The following CNTN5 variants were observed in gnomAD, a reference collection of about 807,000 sequenced individuals.
CNTN5 encodes the protein contactin 5.
In CNTN5, 77 loss-of-function variants were observed where a neutral mutation model predicts 129.1. The observed-to-expected ratio is 0.60, with a 90% CI of 0.50 to 0.72. The LOEUF (loss-of-function observed/expected upper bound fraction) is 0.72. Among genes scored for constraint, CNTN5 ranks in the 30% least tolerant of loss-of-function variants. CNTN5 has a pLI of 0.00. For synonymous variants in CNTN5, 509 were observed against 465.6 expected, an observed-to-expected ratio of 1.09 and a Z score of -1.20; for missense variants, 1,478 against 1,328.8, an observed-to-expected ratio of 1.11 and a Z score of -1.75.
intron 1 of CNTN5, among the ~76,000 whole-genome samples, chr11:99,066,402 C>A (rs1462493153): frequency 6.6e-6 from 1 of 152,114 alleles, no homozygotes; most frequent in Non-Finnish European, 1.5e-5. Context: ...CCACGCCCAG[C>A]AAGCTAATAT....
chr11:99,908,513 T>G (rs1027526298), intron 6 of CNTN5, among the ~76,000 whole-genome samples: 11 of 152,030 alleles, frequency 7.2e-5, no homozygotes, highest in Admixed American at 1.3e-4. Flanking sequence ...GATCTGAATT[T>G]GGAAAAAAAT....
chr11:99,963,682 C>A (rs1951014062), intron 8 of CNTN5, among the ~76,000 whole-genome samples: 2 of 152,048 alleles, frequency 1.3e-5, no homozygotes, highest in Non-Finnish European at 2.9e-5. Flanking sequence ...TAGTTTTTTC[C>A]AATTCTGTGA....
At position 99,710,667 on chromosome 11, in the gene CNTN5, C is replaced by G. The variant is rs561830656; in HGVS notation, c.56-108877C>G. The stretch of plus-strand genomic sequence containing the variant: ...CAAATCTGACATTTTTTTTTAGATA[C>G]GCAATCTCACATGTTGGGGAGTAAA... On this transcript the variant is annotated intron_variant, in intron 3 of 24. Transcript: ENST00000524871. Among the ~76,000 whole-genome samples the G allele has an allele frequency of 3.3e-5, 5 of 150,918 alleles. No individual in the cohort carries two copies. In the South Asian group the frequency reaches 8.3e-4, roughly 25 times the overall value.
chr11:99,371,276 A>G (rs1939805126), intron 2 of CNTN5, among the ~76,000 whole-genome samples: 1 of 152,072 alleles, frequency 6.6e-6, no homozygotes, highest in Non-Finnish European at 1.5e-5. Context: ...TTTAAAGATT[A>G]TAGCATAATT....
At chr11:99,221,135 T>A (rs1328921057) in intron 1 of CNTN5, among the ~76,000 whole-genome samples, 2 of 151,934 alleles carry the variant, frequency 1.3e-5, no homozygotes, top group African/African-American at 4.8e-5. Context: ...AGATTTTCAT[T>A]ATTAAACTCC....
chr11:99,282,355 T>C (rs1228461344), intron 1 of CNTN5, among the ~76,000 whole-genome samples: 1 of 151,856 alleles, frequency 6.6e-6, no homozygotes, highest in Non-Finnish European at 1.5e-5. Context: ...GAAGACAAGA[T>C]GATATCTGAG....
chr11:100,062,079 C>G (rs1207764730), intron 10 of CNTN5, among the ~76,000 whole-genome samples: 1 of 152,120 alleles, frequency 6.6e-6, no homozygotes, highest in Admixed American at 6.6e-5. Flanking sequence ...ATCTTTACTT[C>G]TAAAGTTCAA....
intron 3 of CNTN5, among the ~76,000 whole-genome samples, chr11:99,747,556 C>T (rs2135196465): frequency 6.7e-6 from 1 of 150,338 alleles, no homozygotes; most frequent in Middle Eastern, 3.5e-3. Context: ...AGCTCTGCCT[C>T]CCGGGTTTAC....
At chr11:99,238,653 T>A (rs1197810025) in intron 1 of CNTN5, among the ~76,000 whole-genome samples, 1 of 152,162 alleles carries the variant, frequency 6.6e-6, no homozygotes, top group African/African-American at 2.4e-5. Flanking sequence ...CTTGTTAGTA[T>A]GCTAAAATAT....
chr11:100,298,064 G>T (rs945576794), intron 19 of CNTN5, among the ~76,000 whole-genome samples: 1 of 151,058 alleles, frequency 6.6e-6, no homozygotes, highest in South Asian at 2.1e-4. Context: ...AGGGGGAGGG[G>T]GTGTGAAGAA....
intron 18 of CNTN5, among the ~76,000 whole-genome samples, chr11:100,296,263 T>A (rs933852314): frequency 3.6e-4 from 54 of 151,592 alleles, no homozygotes; most frequent in African/African-American, 1.3e-3. Context: ...CAACTATGAC[T>A]ACTAATACGT....
intron 2 of CNTN5, among the ~76,000 whole-genome samples, chr11:99,348,414 T>C (rs1260525617): frequency 6.6e-6 from 1 of 152,170 alleles, no homozygotes; most frequent in Non-Finnish European, 1.5e-5. Flanking sequence ...GCCTAGAACA[T>C]ATTGATAACT....
At chr11:99,178,954 A>G (rs549716256) in intron 1 of CNTN5, among the ~76,000 whole-genome samples, 2 of 152,154 alleles carry the variant, frequency 1.3e-5, no homozygotes, top group Non-Finnish European at 2.9e-5. Context: ...AGAAACAACT[A>G]TGGGGACAGG....
intron 6 of CNTN5, among the ~76,000 whole-genome samples, chr11:99,915,366 T>C (rs971642903): frequency 6.6e-6 from 1 of 152,128 alleles, no homozygotes; most frequent in Non-Finnish European, 1.5e-5. Flanking sequence ...AAATGCAACA[T>C]AGTTTAAGGG....
At chr11:99,465,866 C>T (rs1944912297) in intron 2 of CNTN5, among the ~76,000 whole-genome samples, 1 of 141,012 alleles carries the variant, frequency 7.1e-6, no homozygotes, top group Non-Finnish European at 1.5e-5. Flanking sequence ...GGGGAAGGTG[C>T]CACACACCTT....
At position 99,477,633 on chromosome 11, in the gene CNTN5, A is replaced by T. The variant is rs1052795878; in HGVS notation, c.-70-78512A>T. On this transcript the variant is annotated intron_variant, in intron 2 of 24. Coordinates refer to ENST00000524871, the MANE Select transcript of CNTN5 (RefSeq NM_014361.4). ...AAGTATACCAAAGCAAAATTTAACA[A>T]AAATAAAAATAATAACCCTTCAAGG... Among the ~76,000 whole-genome samples the T allele has an allele frequency of 2.0e-5, 3 of 152,028 alleles. No homozygotes were observed. In the South Asian group the frequency reaches 6.2e-4, roughly 32 times the overall value.
chr11:99,846,834 T>C (rs1947714714), intron 6 of CNTN5, among the ~76,000 whole-genome samples: 1 of 152,150 alleles, frequency 6.6e-6, no homozygotes, highest in African/African-American at 2.4e-5. Flanking sequence ...GTAAATATCA[T>C]ATTTTAAAGT....
At chr11:100,056,226 A>G (rs573280067) in intron 9 of CNTN5, among the ~76,000 whole-genome samples, 56 of 151,834 alleles carry the variant, frequency 3.7e-4, no homozygotes, top group African/African-American at 1.3e-3. Context: ...TGAACGTTCA[A>G]TATGAAGTTA....
At chr11:99,769,211 G>T (rs575056338) in intron 3 of CNTN5, among the ~76,000 whole-genome samples, 3 of 152,066 alleles carry the variant, frequency 2.0e-5, no homozygotes, top group African/African-American at 7.2e-5. Flanking sequence ...ATTCCTTCAT[G>T]ACTGCCTTAA....
Sources: gnomAD v4.1 joint callset for allele counts (sites outside exome capture counted in the v4.1 genomes callset) on GRCh38, gnomAD v4.1.1 for gene constraint, MANE v1.5 for transcripts, NCBI Gene and HGNC (gene_info 2026-07-23, HGNC 2026-07-21) for gene names.